EYS: variants seen among roughly 807,000 people sequenced by gnomAD.
EYS encodes protein eyes shut homolog.
A neutral mutation model predicts 282.1 loss-of-function variants in EYS; 250 were observed. The observed-to-expected ratio is 0.89, with a 90% CI of 0.80 to 0.98. The LOEUF (loss-of-function observed/expected upper bound fraction) is 0.98. EYS is among the 50% of genes least tolerant of loss of function. EYS has a pLI of 0.00. For missense variants in EYS, 4,016 were observed against 3,709.0 expected, an observed-to-expected ratio of 1.08 and a Z score of -2.15; for synonymous variants, 1,355 against 1,282.9, an observed-to-expected ratio of 1.06 and a Z score of -1.20.
rs1022680246 is a variant in EYS, at chr6:64,242,916, C to A, written c.6192-12092G>T. 2.1e-5 allele frequency among the ~76,000 whole-genome samples: 3 copies of A among 145,136 alleles called. No homozygotes were observed. In the East Asian group the frequency reaches 5.9e-4, roughly 29 times the overall value. On this transcript the variant is annotated intron_variant, in intron 30 of 42. Coordinates refer to ENST00000503581, the MANE Select transcript of EYS (RefSeq NM_001142800.2). ...ATATAATATATTCAAATATAGTATT[C>A]ATATATCATACTCATTGATATATAT...
intron 18 of EYS, among the ~76,000 whole-genome samples, chr6:64,893,771 A>G (rs1022522053): frequency 1.3e-5 from 2 of 151,996 alleles, no homozygotes; most frequent in Non-Finnish European, 2.9e-5. Flanking sequence ...TTTAAGGAAA[A>G]CACACAAAAC....
At chr6:64,929,912 A>G (rs1444156680) in intron 15 of EYS, among the ~76,000 whole-genome samples, 4 of 152,170 alleles carry the variant, frequency 2.6e-5, no homozygotes, top group African/African-American at 4.8e-5. Context: ...TGATTTCTGC[A>G]TAAGTTACGG....
chr6:64,557,795 A>G (rs1175142894), intron 26 of EYS, among the ~76,000 whole-genome samples: 1 of 152,142 alleles, frequency 6.6e-6, no homozygotes, highest in African/African-American at 2.4e-5. Context: ...ATCTCGGTCA[A>G]TAAAGTTTTG....
intron 33 of EYS, among the ~76,000 whole-genome samples, chr6:64,058,948 C>T (rs1264381545): frequency 6.6e-6 from 1 of 152,114 alleles, no homozygotes; most frequent in East Asian, 1.9e-4. Context: ...ACAGCTAGTG[C>T]TCAAAACATT....
chr6:65,031,341 G>C lies in EYS; in HGVS notation c.2137+26273C>G, dbSNP rs1183559202. ...GGTCATGAAAGAAGAAAACTAATAAGGATGTTTGGGACCTGAACTCTACAC... is the reference window on the plus strand; with the variant it reads ...GGTCATGAAAGAAGAAAACTAATAACGATGTTTGGGACCTGAACTCTACAC... On this transcript the variant is annotated intron_variant, in intron 13 of 42. Coordinates refer to ENST00000503581, the MANE Select transcript of EYS (RefSeq NM_001142800.2). 2.6e-5 allele frequency among the ~76,000 whole-genome samples: 4 copies of C among 151,738 alleles called. No individual in the cohort carries two copies. The South Asian group carries it at 8.3e-4, about 31-fold the overall frequency.
intron 26 of EYS, among the ~76,000 whole-genome samples, chr6:64,569,894 T>G (rs931149052): frequency 6.6e-6 from 1 of 152,176 alleles, no homozygotes; most frequent in Admixed American, 6.5e-5. Context: ...TATCCAGAAC[T>G]TCCCCTGGCA....
chr6:63,838,214 T>G (rs1480425241), intron 36 of EYS, among the ~76,000 whole-genome samples: 1 of 151,896 alleles, frequency 6.6e-6, no homozygotes, highest in Non-Finnish European at 1.5e-5. Flanking sequence ...ACTGTGTTTC[T>G]TTTCTTTTCT....
At chr6:64,274,666 A>C (rs1428467416) in intron 30 of EYS, among the ~76,000 whole-genome samples, 1 of 151,868 alleles carries the variant, frequency 6.6e-6, no homozygotes, top group Non-Finnish European at 1.5e-5. Context: ...AACTTTGCTG[A>C]CCATTCTATT....
At chr6:64,445,449 A>C (rs1775088832) in intron 26 of EYS, among the ~76,000 whole-genome samples, 1 of 152,194 alleles carries the variant, frequency 6.6e-6, no homozygotes, top group South Asian at 2.1e-4. Context: ...GTATGGATTC[A>C]TATTATGATT....
At position 65,011,048 on chromosome 6, in the gene EYS, C is replaced by T. The variant is rs531179327; in HGVS notation, c.2138-13345G>A. Among the ~76,000 whole-genome samples, 27 of 152,282 alleles carry T rather than the reference C, an allele frequency of 1.8e-4. No homozygotes were observed. In the South Asian group the frequency reaches 3.7e-3, roughly 21 times the overall value. On this transcript the variant is annotated intron_variant, in intron 13 of 42. Transcript: ENST00000503581. ...ATCCCTAGTATGGGGTAATCCCCTC[C>T]GGGAAACCAAGCCCCAATACTCAGC...
At chr6:64,984,537 A>C (rs1770786181) in intron 14 of EYS, among the ~76,000 whole-genome samples, 1 of 151,558 alleles carries the variant, frequency 6.6e-6, no homozygotes, top group East Asian at 1.9e-4. Context: ...TGTAAAAATT[A>C]AAAAAGGAAG....
At chr6:64,370,930 G>A (rs1050985101) in intron 29 of EYS, among the ~76,000 whole-genome samples, 1 of 151,960 alleles carries the variant, frequency 6.6e-6, no homozygotes, top group Non-Finnish European at 1.5e-5. Flanking sequence ...AGTCTAGCTA[G>A]CAGTCTATCT....
At chr6:65,549,608 A>T (rs1232539617) in intron 2 of EYS, among the ~76,000 whole-genome samples, 1 of 152,184 alleles carries the variant, frequency 6.6e-6, no homozygotes, top group Non-Finnish European at 1.5e-5. Flanking sequence ...CACACAGAGA[A>T]GGGCTTATAT....
At chr6:64,154,815 T>C (rs1415712207) in intron 31 of EYS, among the ~76,000 whole-genome samples, 1 of 152,156 alleles carries the variant, frequency 6.6e-6, no homozygotes, top group African/African-American at 2.4e-5. Context: ...TAGAGATATG[T>C]CATGAGGTGT....
At chr6:64,499,949 T>A (rs562799255) in intron 26 of EYS, among the ~76,000 whole-genome samples, 5 of 152,244 alleles carry the variant, frequency 3.3e-5, no homozygotes, top group African/African-American at 1.2e-4. Context: ...TACTGCAAGG[T>A]AACTTTTGAT....
chr6:65,306,928 C>T (rs1361026552), intron 11 of EYS, among the ~76,000 whole-genome samples: 15 of 134,562 alleles, frequency 1.1e-4, no homozygotes, highest in African/African-American at 3.5e-4. Flanking sequence ...AGTTAAGTTA[C>T]TTACCATTCA....
intron 12 of EYS, among the ~76,000 whole-genome samples, chr6:65,111,440 A>G (rs544402949): frequency 1.3e-5 from 2 of 152,320 alleles, no homozygotes; most frequent in Admixed American, 1.3e-4. Flanking sequence ...ATTTATTAAT[A>G]CAATGTATGT....
intron 19 of EYS, among the ~76,000 whole-genome samples, chr6:64,861,616 A>C (rs1198189960): frequency 1.3e-5 from 2 of 152,170 alleles, no homozygotes; most frequent in Non-Finnish European, 2.9e-5. Flanking sequence ...ATCTCAGAAA[A>C]GGGCAGGGCT....
Position 65,559,636 on chromosome 6 carries a change from TTACTATAGTTTACATCATCAAA to T in EYS, c.-332-63665_-332-63644del. Among the ~76,000 whole-genome samples the T allele has an allele frequency of 2.6e-5, 4 of 152,316 alleles. No individual in the cohort carries two copies. In the South Asian group the frequency reaches 8.3e-4, roughly 32 times the overall value. On this transcript the variant is annotated intron_variant, in intron 2 of 42. Coordinates refer to ENST00000503581, the MANE Select transcript of EYS (RefSeq NM_001142800.2). Reference sequence around the variant, plus strand: ...TAAAGTAAGAAGAAATACTATGTTTTTACTATAGTTTACATCATCAAATAAAGTATACAGTTGAGCGATCTTC... The same window carrying T: ...TAAAGTAAGAAGAAATACTATGTTTTTAAAGTATACAGTTGAGCGATCTTC...
Sources: gnomAD v4.1 joint callset for allele counts (sites outside exome capture counted in the v4.1 genomes callset) on GRCh38, gnomAD v4.1.1 for gene constraint, MANE v1.5 for transcripts, NCBI Gene and HGNC (gene_info 2026-07-23, HGNC 2026-07-21) for gene names.